The following DGKI variants were observed in gnomAD, a reference collection of about 807,000 sequenced individuals.
The protein encoded by DGKI is diacylglycerol kinase iota.
DGKI carries 55 observed loss-of-function variants against 147.5 expected under a neutral mutation model. The ratio of observed to expected loss-of-function variants is 0.37; its 90% CI spans 0.30 to 0.47. The LOEUF (loss-of-function observed/expected upper bound fraction) is 0.47, where lower values mean the gene tolerates loss of function less well. Ranked by LOEUF, DGKI falls within the 20% of genes least tolerant of loss-of-function variation. The probability of loss-of-function intolerance (pLI) is 1.00; values close to 1 mark genes in which losing one functional copy is unlikely to be tolerated. For missense variants in DGKI, 1,007 were observed against 1,323.8 expected (o/e 0.76, Z 3.71); for synonymous variants, 469 against 477.1 (o/e 0.98, Z 0.22).
intron 1 of DGKI, among the ~76,000 whole-genome samples, chr7:137,702,331 A>G (rs909959768): frequency 6.6e-6 from 1 of 152,316 alleles, no homozygotes; most frequent in Admixed American, 6.5e-5. Flanking sequence ...CTACTTATCA[A>G]AAGAAGTAAA....
intron 28 of DGKI, among the ~76,000 whole-genome samples, chr7:137,427,336 T>C (rs1812858897): frequency 6.6e-6 from 1 of 152,172 alleles, no homozygotes; most frequent in Admixed American, 6.5e-5. Context: ...GAAATAAAGA[T>C]GTTCTATGAA....
chr7:137,571,380 A>C, intron 18 of DGKI, 94 bp from the exon 19 acceptor site: 1 of 813,494 alleles, frequency 1.2e-6, no homozygotes, highest in Non-Finnish European at 2.0e-6. Flanking sequence ...AATGTTTATC[A>C]AACATAAAAA....
At chr7:137,494,310 A>G (rs1815882083) in intron 21 of DGKI, among the ~76,000 whole-genome samples, 1 of 152,202 alleles carries the variant, frequency 6.6e-6, no homozygotes, top group African/African-American at 2.4e-5. Flanking sequence ...CAAATTCAGG[A>G]AATGAAGAGA....
At chr7:137,610,015 T>TA (rs991537187) in intron 8 of DGKI, among the ~76,000 whole-genome samples, 2 of 152,060 alleles carry the variant, frequency 1.3e-5, no homozygotes, top group Non-Finnish European at 2.9e-5. Flanking sequence ...TGTGGAAATG[T>TA]AAAAAAGGAG....
At chr7:137,408,554 G>A (rs745641180) in intron 29 of DGKI, among the ~76,000 whole-genome samples, 4 of 151,978 alleles carry the variant, frequency 2.6e-5, no homozygotes, top group Admixed American at 6.6e-5. Flanking sequence ...GCACACACAC[G>A]AACACACATC....
In DGKI at chr7:137,381,664, A is replaced by C. The variant is rs1157436986; in HGVS notation, c.*9556T>G. On this transcript the variant is annotated 3_prime_UTR_variant, in exon 33 of 33. Transcript: ENST00000614521. ...GTTTTTCACAAGAATGGTTTTCCTC[A>C]GTTTCAGTCAGTGGTGGTCTGTATA... The C allele has an allele frequency of 6.6e-6, 1 of 151,870 alleles. No homozygotes were observed. The highest frequency in any genetic ancestry group is 1.5e-5 in the Non-Finnish European group (1 of 67,958). 9.4% of individuals were successfully genotyped at this position (151,870 alleles called of 1,614,324 possible).
chr7:137,790,971 C>A (rs1172564350), intron 1 of DGKI, among the ~76,000 whole-genome samples: 2 of 152,114 alleles, frequency 1.3e-5, no homozygotes, highest in Non-Finnish European at 2.9e-5. Context: ...TTGCTACAGT[C>A]CAAAGGATAA....
chr7:137,577,398 GTTCTC>G, intron 16 of DGKI, 114 bp from the exon 17 acceptor site: 1 of 747,428 alleles, frequency 1.3e-6, no homozygotes. Context: ...TTCTAAACAT[GTTCTC>G]TTTCTGCAGA....
In DGKI at chr7:137,385,124, T is replaced by C. The variant is rs561685590; in HGVS notation, c.*6096A>G. ...GATGGACAGTAAGACAGATTTCTAATAGAATTTTACTTGACAATGACTAAG... is the reference window on the plus strand; with the variant it reads ...GATGGACAGTAAGACAGATTTCTAACAGAATTTTACTTGACAATGACTAAG... On this transcript the variant is annotated 3_prime_UTR_variant, in exon 33 of 33. Coordinates refer to ENST00000614521, the MANE Select transcript of DGKI (RefSeq NM_001321708.2). 3.3e-5 allele frequency: 5 copies of C among 152,252 alleles called. No individual in the cohort carries two copies. The South Asian group carries it at 1.0e-3, about 32-fold the overall frequency. The allele number at this position is 152,252 out of a possible 1,614,324, so 9.4% of individuals were successfully genotyped here.
rs1188917792 is a variant in DGKI, at chr7:137,385,128, A to C, written c.*6092T>G. ...GACAGTAAGACAGATTTCTAATAGA[A>C]TTTTACTTGACAATGACTAAGAATA... On this transcript the variant is annotated 3_prime_UTR_variant, in exon 33 of 33. Transcript: ENST00000614521. 6.6e-6 allele frequency: 1 copy of C among 152,122 alleles called. No homozygotes were observed. The highest frequency in any genetic ancestry group is 1.5e-5 in the Non-Finnish European group (1 of 68,004). 9.4% of individuals were successfully genotyped at this position (152,122 alleles called of 1,614,324 possible).
chr7:137,437,959 A>C (rs1470817181), intron 28 of DGKI, among the ~76,000 whole-genome samples: 24 of 152,138 alleles, frequency 1.6e-4, no homozygotes, highest in Non-Finnish European at 7.4e-5. Context: ...CAAGTTATCA[A>C]ATATTAAAGA....
At chr7:137,711,782 C>T (rs963860555) in intron 1 of DGKI, among the ~76,000 whole-genome samples, 2 of 150,340 alleles carry the variant, frequency 1.3e-5, no homozygotes, top group Non-Finnish European at 2.9e-5. Flanking sequence ...CAACCTACGC[C>T]TCCTGGGTTT....
intron 1 of DGKI, among the ~76,000 whole-genome samples, chr7:137,757,102 C>G (rs1227844253): frequency 6.6e-6 from 1 of 152,026 alleles, no homozygotes; most frequent in East Asian, 1.9e-4. Context: ...ATGAAAGCCG[C>G]CCCTGACTTT....
intron 6 of DGKI, among the ~76,000 whole-genome samples, chr7:137,633,882 C>T (rs776840062): frequency 1.3e-5 from 2 of 152,184 alleles, no homozygotes; most frequent in African/African-American, 2.4e-5. Flanking sequence ...GCAAAGGAAC[C>T]CGAACTGTGT....
intron 8 of DGKI, among the ~76,000 whole-genome samples, chr7:137,617,123 C>CTAA (rs1475334968): frequency 5.1e-5 from 3 of 58,468 alleles, no homozygotes; most frequent in Admixed American, 2.4e-4. Flanking sequence ...ATCCCTTTTA[C>CTAA]CAAAAAAAAA....
At chr7:137,783,979 T>C (rs750375455) in intron 1 of DGKI, among the ~76,000 whole-genome samples, 6 of 152,208 alleles carry the variant, frequency 3.9e-5, no homozygotes, top group South Asian at 4.1e-4. Context: ...TAAAAGAAGC[T>C]CTAAATCTTG....
intron 21 of DGKI, among the ~76,000 whole-genome samples, chr7:137,497,341 T>C (rs1042596930): frequency 4.6e-5 from 7 of 152,152 alleles, no homozygotes; most frequent in African/African-American, 1.7e-4. Context: ...ACACTGCTAA[T>C]GGGAATGTAA....
At chr7:137,623,910 G>A (rs1374388165) in intron 6 of DGKI, among the ~76,000 whole-genome samples, 3 of 151,984 alleles carry the variant, frequency 2.0e-5, no homozygotes, top group Admixed American at 2.0e-4. Context: ...ACATGGTCTT[G>A]TCTAACAATA....
chr7:137,405,993 T>TG (rs1024160192), intron 30 of DGKI, among the ~76,000 whole-genome samples: 9 of 150,926 alleles, frequency 6.0e-5, no homozygotes, highest in Non-Finnish European at 8.9e-5. Flanking sequence ...AAAAGATGGG[T>TG]GGGGGGGTGT....
Sources: allele counts gnomAD v4.1 joint callset (sites outside exome capture counted in the v4.1 genomes callset), GRCh38; gene constraint gnomAD v4.1.1; transcripts MANE v1.5; gene names NCBI Gene and HGNC (gene_info 2026-07-23, HGNC 2026-07-21).